The following WDR41 variants were observed in gnomAD, a reference collection of about 807,000 sequenced individuals.
WDR41 encodes WD repeat-containing protein 41.
WDR41 carries 63 observed loss-of-function variants against 69.3 expected under a neutral mutation model. The observed-to-expected ratio is 0.91, with a 90% CI of 0.74 to 1.12. The LOEUF (loss-of-function observed/expected upper bound fraction) is 1.12. WDR41 is among the 50% of genes most tolerant of loss of function. The pLI is 0.00. For synonymous variants in WDR41, 185 were observed against 192.1 expected (o/e 0.96, Z 0.31); for missense variants, 543 against 534.5 (o/e 1.02, Z -0.16).
intron 1 of WDR41, among the ~76,000 whole-genome samples, chr5:77,534,625 G>C (rs1742931909): frequency 6.6e-6 from 1 of 151,982 alleles, no homozygotes. Context: ...GTGGAGACAG[G>C]CTTTCACTAT....
intron 1 of WDR41, among the ~76,000 whole-genome samples, chr5:77,591,548 C>A (rs1744138386): frequency 6.6e-6 from 1 of 152,020 alleles, no homozygotes; most frequent in Non-Finnish European, 1.5e-5. Context: ...TGTAAGCATC[C>A]CATTAAGCCT....
At chr5:77,582,804 G>T in intron 1 of WDR41, 2 of 1,600,948 alleles carry the variant, frequency 1.2e-6, no homozygotes, top group Admixed American at 1.7e-5. Context: ...TAGCATGGGG[G>T]TACCCCAATC....
At chr5:77,534,584 C>T (rs778685131) in intron 1 of WDR41, among the ~76,000 whole-genome samples, 22 of 152,042 alleles carry the variant, frequency 1.4e-4, no homozygotes, top group Admixed American at 2.0e-4. Context: ...CAGGCATGCA[C>T]CACCACGCCT....
chr5:77,475,235 G>T (rs960865032), intron 2 of WDR41, among the ~76,000 whole-genome samples: 1 of 152,206 alleles, frequency 6.6e-6, no homozygotes, highest in South Asian at 2.1e-4. Context: ...CAGCCAGGCT[G>T]GGGGAGGGGC....
chr5:77,568,141 T>C (rs147438899), intron 1 of WDR41, among the ~76,000 whole-genome samples: 43 of 152,242 alleles, frequency 2.8e-4, no homozygotes, highest in Admixed American at 2.0e-3. Flanking sequence ...AGCTTTAAGA[T>C]GTAGCCTTGA....
chr5:77,522,296 G>A (rs1186373246), intron 1 of WDR41, among the ~76,000 whole-genome samples: 1 of 152,182 alleles, frequency 6.6e-6, no homozygotes, highest in African/African-American at 2.4e-5. Flanking sequence ...TGCAGAAAAA[G>A]CCTTGAGGAA....
At chr5:77,516,136 TTCCTTTCTC>T (rs1474604554) in intron 1 of WDR41, among the ~76,000 whole-genome samples, 2 of 152,210 alleles carry the variant, frequency 1.3e-5, no homozygotes, top group East Asian at 3.9e-4. Context: ...GTAGGCCAGT[TTCCTTTCTC>T]TATCTGTTTT....
At chr5:77,517,631 C>CATATATATATAT (rs34773798) in intron 1 of WDR41, among the ~76,000 whole-genome samples, 100 of 141,172 alleles carry the variant, frequency 7.1e-4, no homozygotes, top group African/African-American at 2.1e-3. Flanking sequence ...ATTTATTGAA[C>CATATATATATAT]ATATATATAT....
chr5:77,558,024 G>A (rs1180305558), intron 1 of WDR41, among the ~76,000 whole-genome samples: 1 of 146,288 alleles, frequency 6.8e-6, no homozygotes, highest in East Asian at 2.1e-4. Flanking sequence ...AAAACCCCAC[G>A]TCAGTGTAAT....
intron 1 of WDR41, among the ~76,000 whole-genome samples, chr5:77,589,997 T>A (rs1744108400): frequency 6.6e-6 from 1 of 152,210 alleles, no homozygotes; most frequent in African/African-American, 2.4e-5. Context: ...TAGCCTTTTA[T>A]TCCTAGTTTT....
intron 1 of WDR41, among the ~76,000 whole-genome samples, chr5:77,538,492 T>G (rs994290595): frequency 6.6e-6 from 1 of 152,182 alleles, no homozygotes; most frequent in African/African-American, 2.4e-5. Context: ...TGTCTATTGT[T>G]CCCATCTTTA....
intron 1 of WDR41, among the ~76,000 whole-genome samples, chr5:77,501,308 C>T (rs914782888): frequency 6.6e-6 from 1 of 152,242 alleles, no homozygotes; most frequent in Non-Finnish European, 1.5e-5. Context: ...TGCAAGGCGG[C>T]AGCCTGGCTT....
chr5:77,488,883 C>T (rs1291644646), intron 2 of WDR41, among the ~76,000 whole-genome samples: 1 of 152,104 alleles, frequency 6.6e-6, no homozygotes, highest in Non-Finnish European at 1.5e-5. Context: ...TGAATATGGG[C>T]TTAATATACA....
intron 8 of WDR41, among the ~76,000 whole-genome samples, chr5:77,444,303 C>G (rs902533346): frequency 6.6e-6 from 1 of 152,174 alleles, no homozygotes; most frequent in Non-Finnish European, 1.5e-5. Flanking sequence ...CATCCTGTGT[C>G]AAAAGCCACT....
At position 77,598,644 on chromosome 5, in the gene WDR41, C is replaced by CTTT. The variant is rs765785617; in HGVS notation, c.42+21832_42+21834dup. Among the ~76,000 whole-genome samples the CTTT allele has an allele frequency of 3.0e-4, 37 of 121,334 alleles. 1 individual carries two copies. The highest frequency in any genetic ancestry group is 6.4e-4 in the African/African-American group (22 of 34,456). The allele number at this position is 121,334 out of a possible 152,430, so 79.6% of individuals were successfully genotyped here. ...GAAGTTATGTGAATCAGTAAGTTTC[C>CTTT]TTTTTTTTTTTGTTTTTTTTGTAGC... On this transcript the variant is annotated intron_variant, in intron 1 of 5. Coordinates refer to the WDR41 transcript ENST00000509971.
intron 1 of WDR41, among the ~76,000 whole-genome samples, chr5:77,535,988 C>T (rs1382542060): frequency 1.3e-5 from 2 of 152,066 alleles, no homozygotes; most frequent in African/African-American, 4.8e-5. Flanking sequence ...ATTTTACTGT[C>T]ACAATGAACT....
chr5:77,564,495 G>A (rs1267231816), intron 1 of WDR41, among the ~76,000 whole-genome samples: 1 of 152,094 alleles, frequency 6.6e-6, no homozygotes, highest in African/African-American at 2.4e-5. Context: ...ACATAGTTTT[G>A]TCACAACTTG....
intron 2 of WDR41, among the ~76,000 whole-genome samples, chr5:77,479,576 G>A (rs57631809): frequency 0.064 from 9,756 of 152,164 alleles, 566 homozygotes; most frequent in African/African-American, 0.15. Context: ...ATGGGGAAAC[G>A]ATTCCCTATT....
intron 1 of WDR41, among the ~76,000 whole-genome samples, chr5:77,568,959 A>C (rs1260083816): frequency 6.6e-6 from 1 of 152,120 alleles, no homozygotes; most frequent in African/African-American, 2.4e-5. Flanking sequence ...CTGCAGTGTC[A>C]CAGAGTGGTC....
Sources: allele counts gnomAD v4.1 joint callset (sites outside exome capture counted in the v4.1 genomes callset), GRCh38; gene constraint gnomAD v4.1.1; transcripts MANE v1.5; gene names NCBI Gene and HGNC (gene_info 2026-07-23, HGNC 2026-07-21).